The following CYP39A1 variants were observed in gnomAD, a reference collection of about 807,000 sequenced individuals.
CYP39A1 encodes the protein 24-hydroxycholesterol 7-alpha-hydroxylase.
In CYP39A1, 49 loss-of-function variants were observed where a neutral mutation model predicts 58.1. That is an observed-to-expected ratio of 0.84 (90% CI 0.67 to 1.07). CYP39A1 has a LOEUF of 1.07. CYP39A1 is among the 50% of genes least tolerant of loss of function. The probability of loss-of-function intolerance (pLI) is 0.00; values close to 1 mark genes in which losing one functional copy is unlikely to be tolerated. For missense variants in CYP39A1, 531 were observed against 539.4 expected (o/e 0.98, Z 0.16); for synonymous variants, 209 against 187.6 (o/e 1.11, Z -0.93).
chr6:46,561,338 G>T (rs1242672801), intron 10 of CYP39A1, among the ~76,000 whole-genome samples: 1 of 151,952 alleles, frequency 6.6e-6, no homozygotes, highest in Non-Finnish European at 1.5e-5. Context: ...AGCATCCTGG[G>T]ATAAAAGGCC....
At position 46,570,583 on chromosome 6, in the gene CYP39A1, A is replaced by G. The variant is rs886484508; in HGVS notation, c.1250+16494T>C. 5.3e-5 allele frequency among the ~76,000 whole-genome samples: 8 copies of G among 152,162 alleles called. No homozygotes were observed. The South Asian group carries it at 6.2e-4, about 12-fold the overall frequency. ...ACTTGAGACTAGGGAATTTATAAAG[A>G]AAAGAGGCTTATTTGGCTCATGGTT... On this transcript the variant is annotated intron_variant, in intron 10 of 11. Transcript: ENST00000275016.
chr6:46,587,136 C>T lies in CYP39A1; in HGVS notation c.1191G>A (p.Lys397=). The change falls in exon 10 of 12, where the codon AAG becomes AAA. Residue 397 remains lysine (K), a synonymous_variant. Transcript: ENST00000275016. ...CCATGAAGCAGTCCAAGAAAGAGTG[C>T]TTCTCTAAATTTGCCTTTTTCCAAC... is the stretch of plus-strand genomic sequence containing the variant. ...PERWKKANLE[K]HSFLDCFMAF... is the part of the protein sequence containing the mutation. The T allele has an allele frequency of 1.9e-6, 3 of 1,611,548 alleles. No individual in the cohort carries two copies. The highest frequency in any genetic ancestry group is 2.5e-6 in the Non-Finnish European group (3 of 1,178,882).
At chr6:46,582,690 T>C (rs75814049) in intron 10 of CYP39A1, among the ~76,000 whole-genome samples, 1 of 148,772 alleles carries the variant, frequency 6.7e-6, no homozygotes, top group African/African-American at 2.5e-5. Flanking sequence ...TAAGTAGGGC[T>C]TTTTTTTTTC....
In CYP39A1 at chr6:46,635,441, C is replaced by A. The variant is rs183170476; in HGVS notation, c.732+948G>T. Among the ~76,000 whole-genome samples the A allele has an allele frequency of 2.3e-4, 35 of 152,284 alleles. 1 individual carries two copies. The East Asian group carries it at 6.8e-3, about 29-fold the overall frequency. Reference sequence around the variant, plus strand: ...CCTGGCCTCAGACAGTTTTCAAAAGCTCCCAGAGTGATTCTAATGAGAGGC... The same window carrying A: ...CCTGGCCTCAGACAGTTTTCAAAAGATCCCAGAGTGATTCTAATGAGAGGC... On this transcript the variant is annotated intron_variant, in intron 5 of 11. Transcript: ENST00000275016.
Position 46,652,499 on chromosome 6 carries a change from T to C in CYP39A1, c.84A>G (p.Arg28=). ...GAATCCAGCCCTTGATGCACGGGGG[T>C]CTACGCAAATTCTTCCGCTGAAGGA... ...FLLLQRKNLR[R]PPCIKGWIPW... The change falls in exon 1 of 12, where the codon AGA becomes AGG. Residue 28 remains arginine, a synonymous_variant. Transcript: ENST00000275016. The C allele has an allele frequency of 6.2e-7, 1 of 1,613,832 alleles. No homozygotes were observed.
Position 46,554,177 on chromosome 6 carries a change from A to G in CYP39A1, c.1251-323T>C, listed in dbSNP as rs572837737. On this transcript the variant is annotated intron_variant, in intron 10 of 11. Transcript: ENST00000275016. ...GCCATTAGATACAAGTGGCTATTTC[A>G]ATTTAAATACATTTAATAAATAAGT... 9.2e-5 allele frequency among the ~76,000 whole-genome samples: 14 copies of G among 152,338 alleles called. No individual in the cohort carries two copies. The South Asian group carries it at 2.9e-3, about 32-fold the overall frequency.
intron 8 of CYP39A1, among the ~76,000 whole-genome samples, chr6:46,594,026 T>C (rs1260040949): frequency 1.4e-4 from 21 of 152,124 alleles, no homozygotes; most frequent in Non-Finnish European, 2.9e-5. Context: ...CATCCTGAAT[T>C]CCTTAGCTCA....
intron 7 of CYP39A1, among the ~76,000 whole-genome samples, chr6:46,600,659 A>C (rs1582373944): frequency 6.6e-6 from 1 of 152,110 alleles, no homozygotes; most frequent in African/African-American, 2.4e-5. Flanking sequence ...GGGTTCAAAG[A>C]GCTTCTGGGT....
At chr6:46,603,461 A>T (rs1033317835) in intron 7 of CYP39A1, among the ~76,000 whole-genome samples, 1 of 152,188 alleles carries the variant, frequency 6.6e-6, no homozygotes, top group Non-Finnish European at 1.5e-5. Context: ...CAAAGACCCA[A>T]AAGAATGCAA....
intron 7 of CYP39A1, among the ~76,000 whole-genome samples, chr6:46,607,229 A>G (rs571724011): frequency 5.3e-5 from 8 of 152,266 alleles, no homozygotes; most frequent in African/African-American, 1.9e-4. Context: ...AAATATCTCT[A>G]AGTTTCATAT....
intron 10 of CYP39A1, among the ~76,000 whole-genome samples, chr6:46,573,269 A>T (rs920356573): frequency 6.6e-6 from 1 of 152,082 alleles, no homozygotes; most frequent in African/African-American, 2.4e-5. Flanking sequence ...GGTAGCAGTC[A>T]TCTCTTCAAG....
intron 10 of CYP39A1, chr6:46,583,584 G>C: frequency 2.0e-6 from 2 of 985,266 alleles, no homozygotes; most frequent in Non-Finnish European, 2.4e-6. Flanking sequence ...TTGTTTTTCT[G>C]AAACAAAACA....
chr6:46,628,468 A>C (rs1314455692), intron 6 of CYP39A1, among the ~76,000 whole-genome samples: 3 of 152,200 alleles, frequency 2.0e-5, no homozygotes, highest in Non-Finnish European at 4.4e-5. Flanking sequence ...GAAATCTTCT[A>C]AAAAAATCAT....
chr6:46,586,511 A>G (rs1034681448), intron 10 of CYP39A1: 1 of 985,142 alleles, frequency 1.0e-6, no homozygotes, highest in East Asian at 1.1e-4. Flanking sequence ...ACAAATAAAG[A>G]TAACAATAAC....
intron 3 of CYP39A1, 127 bp from the exon 4 acceptor site, chr6:46,638,105 G>GA: frequency 1.1e-6 from 1 of 926,850 alleles, no homozygotes; most frequent in East Asian, 2.9e-5. Context: ...ATTCTCTTGG[G>GA]AAAAAGTCAC....
chr6:46,583,676 G>T, intron 10 of CYP39A1: 1 of 777,742 alleles, frequency 1.3e-6, no homozygotes, highest in Non-Finnish European at 1.6e-6. Context: ...GAAGTGCCTC[G>T]CAGTGGGATC....
At chr6:46,650,246 T>C (rs1762592442) in intron 1 of CYP39A1, among the ~76,000 whole-genome samples, 2 of 151,940 alleles carry the variant, frequency 1.3e-5, no homozygotes, top group Non-Finnish European at 2.9e-5. Context: ...TGAAAATGAC[T>C]TGAGAAAACA....
rs116420274 is a variant in CYP39A1, at chr6:46,614,900, T to C, written c.931+10518A>G. Reference sequence around the variant, plus strand: ...GACACTGCCACTGATGTCAAGTGCATTGTGGCCACTGGCATAGGATACTGA... The same window carrying C: ...GACACTGCCACTGATGTCAAGTGCACTGTGGCCACTGGCATAGGATACTGA... On this transcript the variant is annotated intron_variant, in intron 7 of 11. Transcript: ENST00000275016. Among the ~76,000 whole-genome samples, 409 of 152,278 alleles carry C rather than the reference T, an allele frequency of 2.7e-3. 3 individuals carry two copies. Among genetic ancestry groups the C allele is most frequent in the African/African-American group, 9.5e-3 (393 of 41,568 alleles).
intron 7 of CYP39A1, among the ~76,000 whole-genome samples, chr6:46,599,375 C>T (rs1773355703): frequency 6.6e-6 from 1 of 152,042 alleles, no homozygotes; most frequent in Non-Finnish European, 1.5e-5. Flanking sequence ...AAATCAGATA[C>T]ACAAAAATAA....
Sources: gnomAD v4.1 joint callset for allele counts (sites outside exome capture counted in the v4.1 genomes callset) on GRCh38, gnomAD v4.1.1 for gene constraint, MANE v1.5 for transcripts, NCBI Gene and HGNC (gene_info 2026-07-23, HGNC 2026-07-21) for gene names.